The following ACRBP variants were observed in gnomAD, a reference collection of about 807,000 sequenced individuals.
ACRBP encodes acrosin-binding protein.
ACRBP carries 52 observed loss-of-function variants against 69.0 expected under a neutral mutation model. That is an observed-to-expected ratio of 0.75 (90% CI 0.60 to 0.95). The LOEUF (loss-of-function observed/expected upper bound fraction) is 0.95. Ranked by LOEUF, ACRBP falls within the 40% of genes least tolerant of loss-of-function variation. The pLI is 0.00. For missense variants in ACRBP, 604 were observed against 673.0 expected, an observed-to-expected ratio of 0.90 and a Z score of 1.13; for synonymous variants, 267 against 258.9, an observed-to-expected ratio of 1.03 and a Z score of -0.30.
At chr12:6,643,476 C>A in intron 6 of ACRBP, 63 bp downstream of exon 6, 1 of 1,599,836 alleles carries the variant, frequency 6.3e-7, no homozygotes, top group South Asian at 1.1e-5. Flanking sequence ...CATAGCCTAG[C>A]ACAGTGCCTG....
chr12:6,638,826 C>G, intron 9 of ACRBP, 128 bp downstream of exon 9: 1 of 1,531,688 alleles, frequency 6.5e-7, no homozygotes, highest in South Asian at 1.3e-5. Context: ...AGGCCTCTGC[C>G]CCAGAGATGC....
At chr12:6,642,946 A>C (rs1356701130) in intron 6 of ACRBP, among the ~76,000 whole-genome samples, 1 of 152,160 alleles carries the variant, frequency 6.6e-6, no homozygotes, top group African/African-American at 2.4e-5. Context: ...GGTGAGGTGG[A>C]TCAAGAATCA....
At position 6,646,954 on chromosome 12, in the gene ACRBP, T is replaced by C. The variant is rs1265537132; in HGVS notation, c.102A>G (p.Pro34=). ...AAQDSTQAST[P]GSPLSPTEYE... Reference sequence around the variant, plus strand: ...ATTCGGTAGGAGAGAGAGGGCTGCCTGGAGTGGAGGCCTGAGTCGAATCCT... The same window carrying C: ...ATTCGGTAGGAGAGAGAGGGCTGCCCGGAGTGGAGGCCTGAGTCGAATCCT... Residue 34 remains proline (P), a synonymous_variant, in exon 2 of 10, where the codon CCA becomes CCG. Transcript: ENST00000229243. 1.2e-6 allele frequency: 2 copies of C among 1,613,400 alleles called. No homozygotes were observed. The highest frequency in any genetic ancestry group is 1.7e-6 in the Non-Finnish European group (2 of 1,180,002).
intron 2 of ACRBP, 85 bp downstream of exon 2, chr12:6,646,709 G>A (rs951735970): frequency 5.8e-6 from 9 of 1,549,658 alleles, no homozygotes; most frequent in African/African-American, 4.1e-5. Flanking sequence ...GCCCTTCCCC[G>A]CCTCACATGA....
At position 6,638,249 on chromosome 12, in the gene ACRBP, T is replaced by A. The variant is rs752499660; in HGVS notation, c.*33A>T. 2 of 1,607,504 alleles carry A rather than the reference T, an allele frequency of 1.2e-6. No homozygotes were observed. The highest frequency in any genetic ancestry group is 4.5e-5 in the East Asian group (2 of 44,630). ...CAAAACAATAGAGAACGTGGGCAGG[T>A]TGGGCTGGGGTGTGGGCAGAATAGA... On this transcript the variant is annotated 3_prime_UTR_variant, in exon 10 of 10. Transcript: ENST00000229243.
intron 3 of ACRBP, among the ~76,000 whole-genome samples, chr12:6,645,670 T>TTG (rs1316142313): frequency 4.0e-5 from 6 of 150,606 alleles, no homozygotes; most frequent in Non-Finnish European, 8.9e-5. Flanking sequence ...TTTTTTGTTT[T>TTG]TTTTTTTTGA....
Position 6,638,176 on chromosome 12 carries a change from G to A in ACRBP, c.*106C>T. The A allele has an allele frequency of 6.6e-7, 1 of 1,506,558 alleles. No homozygotes were observed. The highest frequency in any genetic ancestry group is 9.0e-7 in the Non-Finnish European group (1 of 1,108,306). The allele number at this position is 1,506,558 out of a possible 1,614,324, so 93.3% of individuals were successfully genotyped here. ...CTCCAACCCAAGGAAATGTGAGTAG[G>A]GGCCGAGTAACAGACCCAGAAGGGG... On this transcript the variant is annotated 3_prime_UTR_variant, in exon 10 of 10. Coordinates refer to ENST00000229243, the MANE Select transcript of ACRBP (RefSeq NM_032489.3).
chr12:6,639,810 G>T (rs1217192485), intron 8 of ACRBP, among the ~76,000 whole-genome samples: 4 of 152,192 alleles, frequency 2.6e-5, no homozygotes, highest in African/African-American at 9.6e-5. Context: ...AACTGGCAGA[G>T]TTGGGACCAG....
rs755759374 is a variant in ACRBP, at chr12:6,638,255, T to C, written c.*27A>G. ...AATAGAGAACGTGGGCAGGTTGGGC[T>C]GGGGTGTGGGCAGAATAGACGCCAG... On this transcript the variant is annotated 3_prime_UTR_variant, in exon 10 of 10. Coordinates refer to ENST00000229243, the MANE Select transcript of ACRBP (RefSeq NM_032489.3). 4 of 1,610,264 alleles carry C rather than the reference T, an allele frequency of 2.5e-6. No homozygotes were observed. Among genetic ancestry groups the C allele is most frequent in the Non-Finnish European group, 3.4e-6 (4 of 1,177,190 alleles).
At chr12:6,647,134 C>G (rs985954656) in intron 1 of ACRBP, 122 bp from the exon 2 acceptor site, 5 of 1,102,876 alleles carry the variant, frequency 4.5e-6, no homozygotes, top group South Asian at 1.4e-5. Flanking sequence ...CTGACCAGGG[C>G]GGGGGGAGTC....
rs144940565 is a variant in ACRBP, at chr12:6,644,555, C to T, written c.526G>A (p.Val176Met). ...AAGGAGGATTGTAGGAGCTCTTCCACGTTGTTGCTGAGCCTCTCAGGCCAG... is the reference window on the plus strand; with the variant it reads ...AAGGAGGATTGTAGGAGCTCTTCCATGTTGTTGCTGAGCCTCTCAGGCCAG... ...QPWPERLSNN[V>M]EELLQSSLSL... Residue 176 changes from valine to methionine, a missense_variant, in exon 5 of 10, where the codon GTG (valine) becomes ATG (methionine). Physicochemically the swap from Val to Met is conservative, Grantham distance 21. Transcript: ENST00000229243. 8.8e-4 allele frequency: 1,425 copies of T among 1,614,020 alleles called. 6 individuals are homozygous for T. In the East Asian group the frequency reaches 0.011, roughly 12 times the overall value.
In ACRBP at chr12:6,647,216, C is replaced by T. The variant is rs1222761830; in HGVS notation, c.43+108G>A. On this transcript the variant is annotated intron_variant, in intron 1 of 9. Coordinates refer to ENST00000229243, the MANE Select transcript of ACRBP (RefSeq NM_032489.3). ...TATCCCAGGACCTAGGGAGCCGACC[C>T]AGCGCGACCACCATGAGGAAGCGAT... is the stretch of plus-strand genomic sequence containing the variant. 3.2e-5 allele frequency: 44 copies of T among 1,355,932 alleles called. No homozygotes were observed. The East Asian group carries it at 6.3e-4, about 19-fold the overall frequency. 84.0% of individuals were successfully genotyped at this position (1,355,932 alleles called of 1,614,324 possible).
At position 6,640,222 on chromosome 12, in the gene ACRBP, C is replaced by T; in HGVS notation, c.1263G>A (p.Gly421=). ...SQSLSIGNQV[G]SPESGRFYGL... is the part of the protein sequence containing the mutation. ...CGTAAAAGCGGCCTGATTCTGGGGACCCTACCTGTGGCACAGGAGATAGGG... is the reference window on the plus strand; with the variant it reads ...CGTAAAAGCGGCCTGATTCTGGGGATCCTACCTGTGGCACAGGAGATAGGG... Residue 421 remains glycine (G), a synonymous_variant, in exon 8 of 10, where the codon GGG becomes GGA. Transcript: ENST00000229243. This position sits in a 1 kb window ranked among gnomAD's most constrained non-coding sequence, Gnocchi z 5.3. The T allele has an allele frequency of 6.2e-7, 1 of 1,614,158 alleles. No homozygotes were observed. Among genetic ancestry groups the T allele is most frequent in the Non-Finnish European group, 8.5e-7 (1 of 1,180,030 alleles).
chr12:6,643,793 G>A (rs986672434), intron 5 of ACRBP, 122 bp from the exon 6 acceptor site: 13 of 1,391,780 alleles, frequency 9.3e-6, no homozygotes, highest in Non-Finnish European at 1.2e-5. Flanking sequence ...TGCTTAGCAT[G>A]GGGCCTTAGA....
Position 6,638,151 on chromosome 12 carries a change from C to T in ACRBP, c.*131G>A. On this transcript the variant is annotated 3_prime_UTR_variant, in exon 10 of 10. Coordinates refer to ENST00000229243, the MANE Select transcript of ACRBP (RefSeq NM_032489.3). ...ACCGTGGCCCTCTCTGGGACTGTTG[C>T]TCCAACCCAAGGAAATGTGAGTAGG... The T allele has an allele frequency of 1.5e-6, 2 of 1,358,698 alleles. No individual in the cohort carries two copies. The highest frequency in any genetic ancestry group is 2.0e-6 in the Non-Finnish European group (2 of 987,918). The allele number at this position is 1,358,698 out of a possible 1,614,324, so 84.2% of individuals were successfully genotyped here. A position where few individuals can be genotyped will look rare whatever the true frequency, so the allele number is the denominator to read the frequency against.
chr12:6,640,748 T>A lies in ACRBP; in HGVS notation c.1078-226A>T, dbSNP rs1171075549. Among the ~76,000 whole-genome samples the A allele has an allele frequency of 6.6e-6, 1 of 152,176 alleles. No homozygotes were observed. Among genetic ancestry groups the A allele is most frequent in the East Asian group, 1.9e-4 (1 of 5,184 alleles). On this transcript the variant is annotated intron_variant, in intron 6 of 9. Transcript: ENST00000229243. This position sits in a 1 kb window ranked among gnomAD's most constrained non-coding sequence, Gnocchi z 5.3. ...TGATTTATCTACTCCTAGGTAATCA[T>A]CTATCTGCGAGTGACACCCAAATCT...
intron 9 of ACRBP, chr12:6,638,615 G>C: frequency 1.6e-6 from 2 of 1,271,656 alleles, no homozygotes; most frequent in Middle Eastern, 2.8e-4. Flanking sequence ...AGGCGGCTGA[G>C]GCTCAGAGGG....
At chr12:6,645,914 C>A (rs1480077934) in intron 3 of ACRBP, among the ~76,000 whole-genome samples, 1 of 151,770 alleles carries the variant, frequency 6.6e-6, no homozygotes, top group Non-Finnish European at 1.5e-5. Context: ...CCTGCCTCGG[C>A]CTCCCAAAGT....
intron 6 of ACRBP, among the ~76,000 whole-genome samples, chr12:6,642,328 A>G (rs530450236): frequency 2.0e-5 from 3 of 152,176 alleles, no homozygotes; most frequent in Non-Finnish European, 4.4e-5. Context: ...TCTTACATTT[A>G]GGTCTTTGAT....
Sources: gnomAD v4.1 joint callset for allele counts (sites outside exome capture counted in the v4.1 genomes callset) on GRCh38, gnomAD v4.1.1 for gene constraint, Gnocchi (gnomAD v3.1) non-coding constraint, MANE v1.5 for transcripts, NCBI Gene and HGNC (gene_info 2026-07-23, HGNC 2026-07-21) for gene names.